Variants in FYN observed in about 807,000 individuals in gnomAD.
FYN encodes the protein tyrosine-protein kinase Fyn.
A neutral mutation model predicts 70.2 loss-of-function variants in FYN; 10 were observed. The ratio of observed to expected loss-of-function variants is 0.14; its 90% CI spans 0.09 to 0.24. FYN has a LOEUF of 0.24. FYN is among the 10% of genes least tolerant of loss of function. The pLI, the probability that FYN is intolerant of heterozygous loss-of-function variation, is 1.00. For missense variants in FYN, 319 were observed against 673.1 expected (o/e 0.47, Z 5.82); for synonymous variants, 236 against 248.6 (o/e 0.95, Z 0.48).
At chr6:111,826,426 T>G (rs948548614) in intron 2 of FYN, among the ~76,000 whole-genome samples, 1 of 152,182 alleles carries the variant, frequency 6.6e-6, no homozygotes, top group Non-Finnish European at 1.5e-5. Context: ...CACATACCAT[T>G]AAATCATTTA....
At chr6:111,738,241 T>A (rs1801792766) in intron 3 of FYN, among the ~76,000 whole-genome samples, 2 of 152,216 alleles carry the variant, frequency 1.3e-5, no homozygotes, top group Admixed American at 6.5e-5. Context: ...CTCCTAGGCA[T>A]AAACCCCAAA....
intron 1 of FYN, among the ~76,000 whole-genome samples, chr6:111,871,603 C>T (rs1050249606): frequency 8.5e-5 from 13 of 152,348 alleles, no homozygotes; most frequent in African/African-American, 2.9e-4. Flanking sequence ...ACAGTGCCCT[C>T]TTAGACTTGA....
At chr6:111,723,483 A>C (rs992787569) in intron 3 of FYN, among the ~76,000 whole-genome samples, 1 of 152,262 alleles carries the variant, frequency 6.6e-6, no homozygotes, top group Non-Finnish European at 1.5e-5. Context: ...ATGTTTCTAT[A>C]CAGATCTTGC....
chr6:111,792,500 C>T (rs1288150195), intron 2 of FYN, among the ~76,000 whole-genome samples: 1 of 152,202 alleles, frequency 6.6e-6, no homozygotes, highest in African/African-American at 2.4e-5. Context: ...TGCTTACCCA[C>T]TGATATGCAC....
intron 4 of FYN, among the ~76,000 whole-genome samples, chr6:111,715,370 T>C (rs706886): frequency 0.14 from 21,615 of 151,944 alleles, 3,108 homozygotes; most frequent in African/African-American, 0.37. Context: ...TGTGACCTAC[T>C]GTGCCCAACC....
At chr6:111,772,745 C>A (rs893200870) in intron 3 of FYN, among the ~76,000 whole-genome samples, 2 of 148,476 alleles carry the variant, frequency 1.3e-5, no homozygotes, top group African/African-American at 2.5e-5. Flanking sequence ...TATAGCACAG[C>A]GAACTTGAAC....
intron 1 of FYN, among the ~76,000 whole-genome samples, chr6:111,848,773 GCTGT>G (rs1562544158): frequency 6.6e-6 from 1 of 152,140 alleles, no homozygotes; most frequent in African/African-American, 2.4e-5. Flanking sequence ...CTTTCTTAAG[GCTGT>G]CTTTCTGAAA....
intron 3 of FYN, among the ~76,000 whole-genome samples, chr6:111,748,109 G>A (rs1048809948): frequency 2.6e-5 from 4 of 152,234 alleles, no homozygotes; most frequent in African/African-American, 9.6e-5. Flanking sequence ...ATTACATTCT[G>A]TAATTAGGTC....
chr6:111,835,261 T>C (rs1773143738), intron 2 of FYN, among the ~76,000 whole-genome samples: 1 of 152,178 alleles, frequency 6.6e-6, no homozygotes, highest in South Asian at 2.1e-4. Flanking sequence ...GGTAATTTGG[T>C]TTTTCTTAAA....
chr6:111,870,953 C>CT (rs111270549), intron 1 of FYN, among the ~76,000 whole-genome samples: 2 of 152,084 alleles, frequency 1.3e-5, no homozygotes, highest in Non-Finnish European at 1.5e-5. Flanking sequence ...AACCCTATTG[C>CT]TTTTTTTATC....
chr6:111,777,374 A>T (rs1770992872), intron 3 of FYN, among the ~76,000 whole-genome samples: 1 of 151,500 alleles, frequency 6.6e-6, no homozygotes, highest in Admixed American at 6.6e-5. Context: ...AAACCTTCAA[A>T]ATAATAAGTA....
At chr6:111,802,669 T>C (rs1409097276) in intron 2 of FYN, among the ~76,000 whole-genome samples, 2 of 151,984 alleles carry the variant, frequency 1.3e-5, no homozygotes, top group African/African-American at 4.8e-5. Flanking sequence ...CCTCAAGTGA[T>C]CCGCCTGCCT....
chr6:111,825,713 T>C (rs1772811093), intron 2 of FYN, among the ~76,000 whole-genome samples: 1 of 152,116 alleles, frequency 6.6e-6, no homozygotes, highest in South Asian at 2.1e-4. Flanking sequence ...AGTTCTGTGA[T>C]GCAGAATCAG....
intron 2 of FYN, among the ~76,000 whole-genome samples, chr6:111,821,607 T>C: frequency 6.6e-6 from 1 of 152,182 alleles, no homozygotes. Flanking sequence ...CCAAAAGCCA[T>C]GGCAACAAAA....
At chr6:111,851,892 CTT>C (rs59674985) in intron 1 of FYN, among the ~76,000 whole-genome samples, 3 of 144,786 alleles carry the variant, frequency 2.1e-5, no homozygotes, top group Admixed American at 6.9e-5. Flanking sequence ...CAAATCTTCC[CTT>C]TTTTTTTTTT....
chr6:111,662,188 C>T (rs562671489), intron 13 of FYN, among the ~76,000 whole-genome samples: 1 of 152,166 alleles, frequency 6.6e-6, no homozygotes, highest in Non-Finnish European at 1.5e-5. Flanking sequence ...CCAGACACAA[C>T]AGGCAACATA....
chr6:111,807,438 TTTGA>T (rs1200485486), intron 2 of FYN, among the ~76,000 whole-genome samples: 1 of 152,180 alleles, frequency 6.6e-6, no homozygotes, highest in East Asian at 1.9e-4. Context: ...CTCAAATTAG[TTTGA>T]TTTCTTGACT....
At position 111,863,298 on chromosome 6, in the gene FYN, T is replaced by C. The variant is rs567480726; in HGVS notation, c.-123+9670A>G. On this transcript the variant is annotated intron_variant, in intron 1 of 13. Transcript: ENST00000354650. ...CTTAAAATATCCTTATGTGCATGTA[T>C]GTGCCTAGGTACAGGCAATACATCA... 2.6e-5 allele frequency among the ~76,000 whole-genome samples: 4 copies of C among 152,352 alleles called. No individual in the cohort carries two copies. The South Asian group carries it at 6.2e-4, about 24-fold the overall frequency.
chr6:111,769,692 T>C (rs1803368509), intron 3 of FYN, among the ~76,000 whole-genome samples: 1 of 151,908 alleles, frequency 6.6e-6, no homozygotes, highest in South Asian at 2.1e-4. Context: ...ATTTTATGAA[T>C]CCATTGATTA....
Sources: gnomAD v4.1 joint callset for allele counts (sites outside exome capture counted in the v4.1 genomes callset) on GRCh38, gnomAD v4.1.1 for gene constraint, MANE v1.5 for transcripts, NCBI Gene and HGNC (gene_info 2026-07-23, HGNC 2026-07-21) for gene names.